Variants in NSD3 observed in about 807,000 individuals in gnomAD.
The protein encoded by NSD3 is histone-lysine N-methyltransferase NSD3.
In NSD3, 24 loss-of-function variants were observed where a neutral mutation model predicts 160.8. The ratio of observed to expected loss-of-function variants is 0.15; its 90% confidence interval spans 0.11 to 0.21. The LOEUF is 0.21. NSD3 is among the 10% of genes least tolerant of loss of function. The probability of loss-of-function intolerance (pLI) is 1.00; values close to 1 mark genes in which losing one functional copy is unlikely to be tolerated. For synonymous variants in NSD3, 520 were observed against 600.0 expected (o/e 0.87, Z 1.95); for missense variants, 1,157 against 1,735.9 (o/e 0.67, Z 5.93).
rs185026191 is a variant in NSD3 at position 38,338,105 on chromosome 8, G to A, written c.747+431C>T. 3.6e-3 allele frequency among the ~76,000 whole-genome samples: 541 copies of A among 152,132 alleles called. 2 individuals are homozygous for A. The highest frequency in any genetic ancestry group is 3.7e-3 in the Non-Finnish European group (254 of 67,980). On this transcript the variant is annotated intron_variant, in intron 3 of 23. Transcript: ENST00000317025. ...TCACAAGGTCAGGAGATCGAGACCA[G>A]CCTGGCCAACACAGTGAAACCCCGT...
rs1455496515 is a variant in NSD3, at chr8:38,314,678, A to G, written c.2211T>C (p.Asp737=). The change falls in exon 12 of 24, where the codon GAT becomes GAC. Residue 737 remains aspartate, a synonymous_variant. Coordinates refer to ENST00000317025, the MANE Select transcript of NSD3 (RefSeq NM_023034.2). Reference sequence around the variant, plus strand: ...TACATTCCATGCAGATGAACTTGCTATCAGGAAGTGATGCCAATCCCAGGC... The same window carrying G: ...TACATTCCATGCAGATGAACTTGCTGTCAGGAAGTGATGCCAATCCCAGGC... The part of the protein sequence containing the change: ...LECLGLASLP[D]SKFICMECKT... 6 of 1,614,044 alleles carry G rather than the reference A, an allele frequency of 3.7e-6. No homozygotes were observed. The highest frequency in any genetic ancestry group is 2.2e-5 in the East Asian group (1 of 44,894).
At chr8:38,354,199 C>T (rs1810768957) in intron 1 of NSD3, among the ~76,000 whole-genome samples, 1 of 152,150 alleles carries the variant, frequency 6.6e-6, no homozygotes, top group Non-Finnish European at 1.5e-5. Context: ...AGTGCTTAGA[C>T]CGAATCTAAA....
intron 12 of NSD3, among the ~76,000 whole-genome samples, chr8:38,306,862 C>T (rs1453981215): frequency 6.6e-6 from 1 of 152,018 alleles, no homozygotes; most frequent in Non-Finnish European, 1.5e-5. Context: ...TGCCTGTAAT[C>T]CCAGCACTTT....
chr8:38,320,365 A>T (rs1809766910), intron 8 of NSD3: 2 of 152,162 alleles, frequency 1.3e-5, no homozygotes. Context: ...ATATTCTTTA[A>T]CAAAAAAATT....
chr8:38,316,522 C>T lies in NSD3; in HGVS notation c.1856-480G>A. ...CGTACACGGATAGTGCCATTTTCCCCCAAATTTTGCAATTCAGTTGATTAT... is the reference window on the plus strand; with the variant it reads ...CGTACACGGATAGTGCCATTTTCCCTCAAATTTTGCAATTCAGTTGATTAT... On this transcript the variant is annotated intron_variant, in intron 9 of 23. Transcript: ENST00000317025. The surrounding 1 kb of genome is among the most constrained non-coding windows in gnomAD (Gnocchi z 4.5). 1 of 1,047,194 alleles carries T rather than the reference C, an allele frequency of 9.5e-7. No individual in the cohort carries two copies. The highest frequency in any genetic ancestry group is 1.2e-6 in the Non-Finnish European group (1 of 867,688). 64.9% of individuals were successfully genotyped at this position (1,047,194 alleles called of 1,614,324 possible).
At position 38,316,112 on chromosome 8, in the gene NSD3, G is replaced by A. The variant is rs1809656724; in HGVS notation, c.1856-70C>T. The A allele has an allele frequency of 7.0e-6, 11 of 1,573,742 alleles. No homozygotes were observed. The Middle Eastern group carries it at 1.6e-3, about 234-fold the overall frequency. ...TTTGTTTTAATTTTTTTGTGTGTGG[G>A]AGAATATTTTCTTTTCTCAAACTCA... On this transcript the variant is annotated intron_variant, in intron 9 of 23. Coordinates refer to ENST00000317025, the MANE Select transcript of NSD3 (RefSeq NM_023034.2). This position sits in a 1 kb window ranked among gnomAD's most constrained non-coding sequence, Gnocchi z 4.5.
intron 23 of NSD3, 86 bp downstream of exon 23, chr8:38,276,210 C>T: frequency 7.1e-7 from 1 of 1,403,884 alleles, no homozygotes; most frequent in Non-Finnish European, 9.9e-7. Flanking sequence ...TCAACATTTC[C>T]TATCCCATGG....
chr8:38,354,004 A>G (rs1246239072), intron 1 of NSD3, among the ~76,000 whole-genome samples: 1 of 152,200 alleles, frequency 6.6e-6, no homozygotes, highest in Non-Finnish European at 1.5e-5. Flanking sequence ...AACTGAATGC[A>G]CTGTCCTTTT....
At chr8:38,286,939 C>T (rs1164741623) in intron 19 of NSD3, among the ~76,000 whole-genome samples, 2 of 152,200 alleles carry the variant, frequency 1.3e-5, no homozygotes, top group African/African-American at 4.8e-5. Context: ...CACCAGCTAG[C>T]CCCTTTTCCA....
At chr8:38,326,919 G>A (rs550275824) in intron 6 of NSD3, 63 bp from the exon 7 acceptor site, 1 of 1,567,700 alleles carries the variant, frequency 6.4e-7, no homozygotes. Context: ...TGGCATCATG[G>A]GCTTATAAAG....
chr8:38,336,361 A>G (rs934510311), intron 4 of NSD3, among the ~76,000 whole-genome samples: 2 of 152,230 alleles, frequency 1.3e-5, no homozygotes, highest in Admixed American at 1.3e-4. Flanking sequence ...AAATCCCAGA[A>G]AAGGAGTAGA....
intron 1 of NSD3, among the ~76,000 whole-genome samples, chr8:38,362,374 G>T (rs1810995365): frequency 7.0e-6 from 1 of 143,294 alleles, no homozygotes; most frequent in Non-Finnish European, 1.5e-5. Flanking sequence ...CATGGATTTT[G>T]AACTGAGAGT....
intron 12 of NSD3, among the ~76,000 whole-genome samples, chr8:38,310,993 TTTTC>T (rs1315383507): frequency 3.3e-5 from 5 of 152,032 alleles, no homozygotes; most frequent in African/African-American, 1.2e-4. Context: ...TTGTTTTCTT[TTTTC>T]TTTTTTTTTT....
chr8:38,358,543 C>T (rs1439782870), intron 1 of NSD3, among the ~76,000 whole-genome samples: 1 of 151,974 alleles, frequency 6.6e-6, no homozygotes, highest in African/African-American at 2.4e-5. Context: ...GCAGCAAAAA[C>T]ATTATTTAAA....
intron 1 of NSD3, among the ~76,000 whole-genome samples, chr8:38,352,288 G>A (rs1810722183): frequency 1.3e-5 from 2 of 152,002 alleles, no homozygotes; most frequent in Non-Finnish European, 2.9e-5. Context: ...AAATGATTTT[G>A]GAAGTCCTAA....
chr8:38,381,312 C>T (rs760200022), intron 1 of NSD3, among the ~76,000 whole-genome samples: 11 of 151,988 alleles, frequency 7.2e-5, no homozygotes, highest in Non-Finnish European at 1.5e-4. Context: ...CTCATTTCTC[C>T]CTTCATTCCC....
intron 1 of NSD3, among the ~76,000 whole-genome samples, chr8:38,359,033 T>C (rs1304577501): frequency 2.0e-5 from 3 of 152,162 alleles, no homozygotes; most frequent in South Asian, 4.1e-4. Flanking sequence ...AATCCTCTAA[T>C]GTCAGTTTTT....
chr8:38,307,133 A>AAT (rs1563349420), intron 12 of NSD3, among the ~76,000 whole-genome samples: 1 of 112,578 alleles, frequency 8.9e-6, no homozygotes, highest in African/African-American at 3.2e-5. Context: ...AAAAAATAAA[A>AAT]TAAAATAAAT....
chr8:38,359,032 A>T (rs1810893403), intron 1 of NSD3, among the ~76,000 whole-genome samples: 1 of 152,178 alleles, frequency 6.6e-6, no homozygotes. Flanking sequence ...AAATCCTCTA[A>T]TGTCAGTTTT....
Sources: allele counts gnomAD v4.1 joint callset (sites outside exome capture counted in the v4.1 genomes callset), GRCh38; gene constraint gnomAD v4.1.1; non-coding constraint Gnocchi (gnomAD v3.1); transcripts MANE v1.5; gene names NCBI Gene and HGNC (gene_info 2026-07-23, HGNC 2026-07-21).